RUFY4: variants seen among roughly 807,000 people sequenced by gnomAD.
RUFY4 encodes RUN and FYVE domain-containing protein 4.
In RUFY4, 73 loss-of-function variants were observed where a neutral mutation model predicts 69.0. That is an observed-to-expected ratio of 1.06 (90% confidence interval 0.88 to 1.29). The LOEUF (loss-of-function observed/expected upper bound fraction) is 1.29, where lower values mean the gene tolerates loss of function less well. Ranked by LOEUF, RUFY4 falls within the 50% of genes most tolerant of loss-of-function variation. RUFY4 has a pLI of 0.00. For missense variants in RUFY4, 770 were observed against 705.6 expected (o/e 1.09, Z -1.03); for synonymous variants, 287 against 271.8 (o/e 1.06, Z -0.55).
intron 6 of RUFY4, 23 bp from the exon 9 acceptor site, chr2:218,075,070 C>T: frequency 1.3e-6 from 2 of 1,489,206 alleles, no homozygotes; most frequent in Non-Finnish European, 9.0e-7. Context: ...AGAGGGATGA[C>T]TGGTTTTGGG....
intron 6 of RUFY4, 122 bp downstream of exon 8, chr2:218,074,007 C>G (rs1010460044): frequency 4.1e-6 from 4 of 982,096 alleles, no homozygotes; most frequent in South Asian, 1.4e-5. Flanking sequence ...ACAGGACAGA[C>G]AGAGCAAGAG....
chr2:218,040,611 G>A (rs963960786), intron 2 of RUFY4, among the ~76,000 whole-genome samples: 1 of 152,182 alleles, frequency 6.6e-6, no homozygotes, highest in Admixed American at 6.5e-5. Flanking sequence ...AGGTGAAGAG[G>A]AGGCCACAGC....
chr2:218,071,354 A>G (rs1689483213), intron 2 of RUFY4, among the ~76,000 whole-genome samples: 2 of 151,890 alleles, frequency 1.3e-5, no homozygotes, highest in African/African-American at 4.8e-5. Context: ...CCACTCATCT[A>G]CTGCACTTCA....
intron 3 of RUFY4, 93 bp from the exon 6 acceptor site, chr2:218,072,686 C>T: frequency 7.7e-7 from 1 of 1,294,378 alleles, no homozygotes; most frequent in Non-Finnish European, 1.0e-6. Context: ...GCACCCTTCC[C>T]ATTGCCAAGC....
rs772858938 is a variant in RUFY4, at chr2:218,072,933, C to T, written c.386+48C>T. ...CTGCCGATGCCATCTGAGCCACTTT[C>T]CCTCCTTTGTAAAAGAGCCCTCCTT... On this transcript the variant is annotated intron_variant, in intron 4 of 10. Transcript: ENST00000344321. The T allele has an allele frequency of 1.7e-5, 24 of 1,415,840 alleles. No homozygotes were observed. The South Asian group carries it at 3.0e-4, about 18-fold the overall frequency. The allele number at this position is 1,415,840 out of a possible 1,614,324, so 87.7% of individuals were successfully genotyped here.
intron 2 of RUFY4, among the ~76,000 whole-genome samples, chr2:218,057,296 C>T (rs1574498944): frequency 6.6e-6 from 1 of 152,182 alleles, no homozygotes; most frequent in Non-Finnish European, 1.5e-5. Context: ...TCTGTCTTGC[C>T]ACATAAAAGG....
chr2:218,072,741 T>C, intron 3 of RUFY4, 38 bp from the exon 6 acceptor site: 2 of 1,454,288 alleles, frequency 1.4e-6, no homozygotes, highest in Non-Finnish European at 1.8e-6. Flanking sequence ...CCCTTTGTCC[T>C]AATACTGCTC....
intron 2 of RUFY4, among the ~76,000 whole-genome samples, chr2:218,054,007 T>C (rs986730739): frequency 3.9e-5 from 6 of 152,224 alleles, no homozygotes; most frequent in African/African-American, 1.4e-4. Context: ...CGTCTAAAGA[T>C]TATATGAAAT....
chr2:218,038,036 A>C (rs1490783113), intron 2 of RUFY4, among the ~76,000 whole-genome samples: 2 of 152,208 alleles, frequency 1.3e-5, no homozygotes, highest in African/African-American at 2.4e-5. Context: ...AGTTCATTTA[A>C]CCTCATGTAA....
chr2:218,076,464 C>T (rs1162669497), exon 8 of RUFY4: 2 of 1,550,060 alleles, frequency 1.3e-6, no homozygotes, highest in African/African-American at 2.7e-5. Flanking sequence ...GAGGAGCAGG[C>T]CCAGCGCCAG....
chr2:218,076,579 A>G (rs2106058823), intron 8 of RUFY4, 46 bp downstream of exon 10: 1 of 1,543,098 alleles, frequency 6.5e-7, no homozygotes, highest in Non-Finnish European at 8.7e-7. Context: ...AGTGCTCCCT[A>G]GGTCCTGCTG....
intron 2 of RUFY4, among the ~76,000 whole-genome samples, chr2:218,041,263 A>G (rs189336188): frequency 6.6e-6 from 1 of 152,036 alleles, no homozygotes; most frequent in African/African-American, 2.4e-5. Flanking sequence ...CTCTTCCCCA[A>G]ATTGCTTTGG....
chr2:218,050,796 G>C (rs1190475418), intron 2 of RUFY4, among the ~76,000 whole-genome samples: 2 of 152,132 alleles, frequency 1.3e-5, no homozygotes, highest in Admixed American at 6.5e-5. Flanking sequence ...ATTGTTTTCT[G>C]TATATCAAAC....
At chr2:218,052,745 TAAA>T (rs767229733) in intron 2 of RUFY4, among the ~76,000 whole-genome samples, 4,400 of 144,770 alleles carry the variant, frequency 0.03, 192 homozygotes, top group African/African-American at 0.11. Flanking sequence ...TTTTTTTTTT[TAAA>T]AAAAAAAGAT....
At chr2:218,052,325 G>A (rs1224556274) in intron 2 of RUFY4, among the ~76,000 whole-genome samples, 2 of 152,132 alleles carry the variant, frequency 1.3e-5, no homozygotes, top group Non-Finnish European at 2.9e-5. Flanking sequence ...TGTCTAAATT[G>A]TTCTATGTAA....
chr2:218,068,251 A>AACTGGAGGAT, upstream of RUFY4, among the ~76,000 whole-genome samples: 1 of 82,070 alleles, frequency 1.2e-5, no homozygotes. Flanking sequence ...GACTGGAGGG[A>AACTGGAGGAT]GGCAGGGGGC....
chr2:218,061,749 T>C (rs930230641), intron 3 of RUFY4, among the ~76,000 whole-genome samples: 3 of 152,212 alleles, frequency 2.0e-5, no homozygotes, highest in African/African-American at 7.2e-5. Context: ...GGACACTCAA[T>C]CCTACTTGGA....
rs1436025590 is a variant in RUFY4 at position 218,072,449 on chromosome 2, C to T, written c.229C>T (p.Arg77Trp). The stretch of plus-strand genomic sequence containing the variant: ...GGACTTTCTCTGCACTGCCCTACGA[C>T]GGCAGCGGGGAAACATGGAGCCAAT... The change falls in exon 3 of 11, where the codon CGG becomes TGG. Residue 77 changes from arginine (R) to tryptophan (W), a missense_variant. Coordinates refer to ENST00000344321, the Ensembl canonical transcript of RUFY4. The T allele has an allele frequency of 1.3e-4, 202 of 1,537,254 alleles. No homozygotes were observed. Among genetic ancestry groups the T allele is most frequent in the Admixed American group, 2.4e-4 (12 of 50,978 alleles).
At chr2:218,076,677 C>A (rs1396448414) in intron 8 of RUFY4, 144 bp downstream of exon 10, 5 of 1,348,802 alleles carry the variant, frequency 3.7e-6, no homozygotes, top group Non-Finnish European at 3.9e-6. Context: ...CTGAGGCCTG[C>A]AGGGCATTGC....
Sources: gnomAD v4.1 joint callset for allele counts (sites outside exome capture counted in the v4.1 genomes callset) on GRCh38, gnomAD v4.1.1 for gene constraint, MANE v1.5 for transcripts, NCBI Gene and HGNC (gene_info 2026-07-23, HGNC 2026-07-21) for gene names.